Variants in CSGALNACT1 observed in about 807,000 individuals in gnomAD.
CSGALNACT1 encodes beta4GalNAcT-1.
In CSGALNACT1, 52 loss-of-function variants were observed where a neutral mutation model predicts 51.0. That is an observed-to-expected ratio of 1.02 (90% CI 0.82 to 1.29). The LOEUF is 1.29. CSGALNACT1 is among the 50% of genes most tolerant of loss of function. The probability of loss-of-function intolerance (pLI) is 0.00; values close to 1 mark genes in which losing one functional copy is unlikely to be tolerated. For synonymous variants in CSGALNACT1, 341 were observed against 254.4 expected (o/e 1.34, Z -3.24); for missense variants, 935 against 679.2 (o/e 1.38, Z -4.19).
rs79015119 is a variant in CSGALNACT1, at chr8:19,416,843, C to G, written c.1227+1813G>C. Among the ~76,000 whole-genome samples the G allele has an allele frequency of 4.5e-4, 68 of 151,038 alleles. No homozygotes were observed. In the East Asian group the frequency reaches 0.011, roughly 25 times the overall value. ...GACATCTCTCTATTGTTAAGTAACACATGACTATAGATGAAAACTCACTTT... is the reference window on the plus strand; with the variant it reads ...GACATCTCTCTATTGTTAAGTAACAGATGACTATAGATGAAAACTCACTTT... On this transcript the variant is annotated intron_variant, in intron 8 of 9. Transcript: ENST00000454498.
rs926689810 is a variant in CSGALNACT1, at chr8:19,406,175, C to T, written c.1310-106G>A. ...CATTAAGACATGACTGGGGGGGATGCGTGCTTCACCACCACCCCTCCAAGG... is the reference window on the plus strand; with the variant it reads ...CATTAAGACATGACTGGGGGGGATGTGTGCTTCACCACCACCCCTCCAAGG... On this transcript the variant is annotated intron_variant, in intron 9 of 9. Transcript: ENST00000454498. 13 of 1,283,468 alleles carry T rather than the reference C, an allele frequency of 1.0e-5. No individual in the cohort carries two copies. The African/African-American group carries it at 1.2e-4, about 12-fold the overall frequency. The allele number at this position is 1,283,468 out of a possible 1,614,324, so 79.5% of individuals were successfully genotyped here.
chr8:19,520,742 T>C (rs2080499221), intron 3 of CSGALNACT1, among the ~76,000 whole-genome samples: 1 of 152,234 alleles, frequency 6.6e-6, no homozygotes, highest in East Asian at 1.9e-4. Context: ...CCTCTCATAA[T>C]TATAACCCCA....
At chr8:19,746,453 C>A (rs1469380864) in intron 1 of CSGALNACT1, among the ~76,000 whole-genome samples, 1 of 152,138 alleles carries the variant, frequency 6.6e-6, no homozygotes, top group Non-Finnish European at 1.5e-5. Flanking sequence ...AATAAGGAAC[C>A]TGGGTTCTAT....
At chr8:19,408,497 TGAAGGCA>T in intron 9 of CSGALNACT1, 109 bp downstream of exon 8, 3 of 268,108 alleles carry the variant, frequency 1.1e-5, no homozygotes, top group Non-Finnish European at 2.2e-5. Flanking sequence ...TTTTTTTTTT[TGAAGGCA>T]ATGGTACCAC....
exon 4 of CSGALNACT1, chr8:19,505,400 T>G (rs372502951): frequency 1.9e-6 from 3 of 1,614,140 alleles, no homozygotes; most frequent in Non-Finnish European, 2.5e-6. Flanking sequence ...CGAAAGGCAC[T>G]GCTGCATACT....
intron 3 of CSGALNACT1, among the ~76,000 whole-genome samples, chr8:19,553,902 AACACAC>A (rs34664028): frequency 1.2e-4 from 17 of 147,560 alleles, no homozygotes; most frequent in African/African-American, 3.7e-4. Context: ...GAACTCGTAG[AACACAC>A]ACACACACAC....
At chr8:19,661,439 T>C (rs562761913) in intron 1 of CSGALNACT1, among the ~76,000 whole-genome samples, 99 of 152,284 alleles carry the variant, frequency 6.5e-4, no homozygotes, top group Middle Eastern at 3.4e-3. Context: ...GTAAAAACTC[T>C]CAATGAAAAA....
At chr8:19,559,785 G>C (rs928843479) in intron 3 of CSGALNACT1, among the ~76,000 whole-genome samples, 1 of 152,176 alleles carries the variant, frequency 6.6e-6, no homozygotes, top group African/African-American at 2.4e-5. Context: ...CTTCAGTAGA[G>C]AAAGACAACA....
chr8:19,699,675 AT>A, intron 1 of CSGALNACT1, among the ~76,000 whole-genome samples: 1 of 152,320 alleles, frequency 6.6e-6, no homozygotes. Context: ...TACAGTTTCA[AT>A]TTTGCAAGAT....
exon 4 of CSGALNACT1, chr8:19,505,650 T>C (rs757114911): frequency 7.4e-6 from 12 of 1,614,040 alleles, no homozygotes; most frequent in African/African-American, 1.3e-5. Flanking sequence ...CTCCCACTCC[T>C]GAAGGACGGC....
intron 2 of CSGALNACT1, among the ~76,000 whole-genome samples, chr8:19,600,414 T>C (rs1287505622): frequency 6.6e-6 from 1 of 152,168 alleles, no homozygotes; most frequent in African/African-American, 2.4e-5. Flanking sequence ...TTTTGACTGT[T>C]TTCTGGCATT....
intron 3 of CSGALNACT1, among the ~76,000 whole-genome samples, chr8:19,546,744 A>G (rs976256268): frequency 1.3e-5 from 2 of 152,260 alleles, no homozygotes; most frequent in South Asian, 4.1e-4. Flanking sequence ...ACCTATATGA[A>G]ACCCCTCCAA....
At chr8:19,532,870 G>A (rs761802119) in intron 3 of CSGALNACT1, among the ~76,000 whole-genome samples, 2 of 152,276 alleles carry the variant, frequency 1.3e-5, no homozygotes, top group South Asian at 2.1e-4. Flanking sequence ...TACTACAGGT[G>A]AACTACAAAA....
upstream of CSGALNACT1, among the ~76,000 whole-genome samples, chr8:19,684,020 G>C (rs935749082): frequency 6.6e-6 from 1 of 152,094 alleles, no homozygotes; most frequent in Non-Finnish European, 1.5e-5. Context: ...ATAAAAATTA[G>C]CCGGGTATGG....
chr8:19,547,674 A>C (rs1168778285), intron 3 of CSGALNACT1, among the ~76,000 whole-genome samples: 4 of 152,192 alleles, frequency 2.6e-5, no homozygotes, highest in African/African-American at 9.7e-5. Flanking sequence ...TATCTTTATT[A>C]GTAGTGTGAG....
At chr8:19,611,036 C>T (rs2052186907) in intron 1 of CSGALNACT1, among the ~76,000 whole-genome samples, 1 of 152,220 alleles carries the variant, frequency 6.6e-6, no homozygotes, top group African/African-American at 2.4e-5. Flanking sequence ...GCGAGCCGCT[C>T]CCCCTGTCGC....
chr8:19,715,397 G>C (rs770819912), intron 1 of CSGALNACT1, among the ~76,000 whole-genome samples: 4 of 152,200 alleles, frequency 2.6e-5, no homozygotes, highest in Non-Finnish European at 5.9e-5. Flanking sequence ...TTCTGTTCCT[G>C]TGTTGGTTTA....
At chr8:19,555,451 G>C (rs928083137) in intron 3 of CSGALNACT1, among the ~76,000 whole-genome samples, 1 of 152,126 alleles carries the variant, frequency 6.6e-6, no homozygotes, top group Non-Finnish European at 1.5e-5. Flanking sequence ...ACTTTAAAGG[G>C]CTATAACTCC....
chr8:19,751,545 G>A (rs2065026300), intron 1 of CSGALNACT1, among the ~76,000 whole-genome samples: 1 of 152,108 alleles, frequency 6.6e-6, no homozygotes, highest in Admixed American at 6.5e-5. Flanking sequence ...TACTCTGAAA[G>A]CAATGCAGTC....
Sources: allele counts gnomAD v4.1 joint callset (sites outside exome capture counted in the v4.1 genomes callset), GRCh38; gene constraint gnomAD v4.1.1; transcripts MANE v1.5; gene names NCBI Gene and HGNC (gene_info 2026-07-23, HGNC 2026-07-21).